NAA11: variants seen among roughly 807,000 people sequenced by gnomAD.
NAA11 encodes N-alpha-acetyltransferase 11.
NAA11 carries 15 observed loss-of-function variants against 16.1 expected under a neutral mutation model. The observed-to-expected ratio is 0.93, with a 90% CI of 0.62 to 1.44. NAA11 has a LOEUF of 1.44. NAA11 is among the 40% of genes most tolerant of loss of function. NAA11 has a pLI of 0.00. For synonymous variants in NAA11, 122 were observed against 112.4 expected (o/e 1.09, Z -0.54); for missense variants, 298 against 291.3 (o/e 1.02, Z -0.17).
chr4:79,254,643 TTC>T (rs1722064270), intron 2 of NAA11, among the ~76,000 whole-genome samples: 1 of 142,356 alleles, frequency 7.0e-6, no homozygotes, highest in African/African-American at 2.9e-5. Flanking sequence ...ATTTGTCCTT[TTC>T]TTTTTTTTTT....
At chr4:79,204,584 A>G in the NAA11 span, among the ~76,000 whole-genome samples, 2 of 148,074 alleles carry the variant, frequency 1.4e-5, no homozygotes, top group Non-Finnish European at 3.0e-5. Context: ...TTTTATTTCA[A>G]TAAATTTAGG....
the NAA11 span, among the ~76,000 whole-genome samples, chr4:79,163,430 A>T: frequency 2.6e-5 from 4 of 152,172 alleles, no homozygotes; most frequent in Non-Finnish European, 5.9e-5. Flanking sequence ...AAAAAATAAA[A>T]AAATAAATAA....
At chr4:79,253,548 A>C (rs1178250215) in intron 2 of NAA11, among the ~76,000 whole-genome samples, 1 of 152,144 alleles carries the variant, frequency 6.6e-6, no homozygotes, top group East Asian at 1.9e-4. Flanking sequence ...GAAGTGAAAG[A>C]AGTGATGAGA....
the NAA11 span, among the ~76,000 whole-genome samples, chr4:79,196,104 G>C: frequency 6.6e-6 from 1 of 151,904 alleles, no homozygotes; most frequent in African/African-American, 2.4e-5. Flanking sequence ...TACACTTCCA[G>C]TCTCTACTCC....
At chr4:79,318,126 CTG>C (rs1723980847) in intron 1 of NAA11, among the ~76,000 whole-genome samples, 1 of 152,182 alleles carries the variant, frequency 6.6e-6, no homozygotes, top group African/African-American at 2.4e-5. Context: ...ACTAAAGAAA[CTG>C]AGATCATTTT....
chr4:79,284,142 G>A (rs1294911619), intron 2 of NAA11, among the ~76,000 whole-genome samples: 2 of 152,046 alleles, frequency 1.3e-5, no homozygotes, highest in African/African-American at 2.4e-5. Context: ...CAGCCCTAAG[G>A]CAGCAAACTC....
At chr4:79,238,556 T>A (rs1196175768) in intron 2 of NAA11, among the ~76,000 whole-genome samples, 3 of 152,184 alleles carry the variant, frequency 2.0e-5, no homozygotes, top group African/African-American at 7.2e-5. Context: ...TAGCCCAGAT[T>A]ACCTAGAACA....
At chr4:79,266,637 C>T (rs2109977356) in intron 2 of NAA11, among the ~76,000 whole-genome samples, 1 of 152,272 alleles carries the variant, frequency 6.6e-6, no homozygotes, top group South Asian at 2.1e-4. Flanking sequence ...ACAGAAGAAT[C>T]CTTTTGCACA....
At chr4:79,322,505 G>GTACA (rs1724127096) in intron 1 of NAA11, among the ~76,000 whole-genome samples, 3 of 150,074 alleles carry the variant, frequency 2.0e-5, no homozygotes, top group African/African-American at 7.3e-5. Flanking sequence ...GTGTGTGTGT[G>GTACA]TATATATATA....
At chr4:79,204,226 G>T in the NAA11 span, among the ~76,000 whole-genome samples, 1 of 151,814 alleles carries the variant, frequency 6.6e-6, no homozygotes, top group African/African-American at 2.4e-5. Context: ...TCATGACAAT[G>T]TTGTTTACAC....
chr4:79,291,264 C>A (rs1390021943), intron 2 of NAA11, among the ~76,000 whole-genome samples: 1 of 151,486 alleles, frequency 6.6e-6, no homozygotes, highest in Non-Finnish European at 1.5e-5. Flanking sequence ...GAGTTGGGGA[C>A]CAGCCTGGGC....
chr4:79,289,875 G>C (rs1723040368), intron 2 of NAA11, among the ~76,000 whole-genome samples: 1 of 152,150 alleles, frequency 6.6e-6, no homozygotes. Context: ...ATAATAAACA[G>C]TAGGTCTCTC....
chr4:79,314,641 T>TAAAAAAAAAAAAAAAAA (rs375245497), downstream of NAA11, among the ~76,000 whole-genome samples: 259 of 98,050 alleles, frequency 2.6e-3, 12 homozygotes, highest in African/African-American at 5.7e-3. Context: ...TCCTTAAAAT[T>TAAAAAAAAAAAAAAAAA]AAAAAAAAAA....
the NAA11 span, among the ~76,000 whole-genome samples, chr4:79,190,034 C>T: frequency 6.6e-6 from 1 of 152,102 alleles, no homozygotes; most frequent in Non-Finnish European, 1.5e-5. Context: ...AAACAAAAAA[C>T]CACCCACACA....
chr4:79,272,213 T>C (rs868378532), intron 2 of NAA11, among the ~76,000 whole-genome samples: 1 of 152,018 alleles, frequency 6.6e-6, no homozygotes, highest in Non-Finnish European at 1.5e-5. Context: ...AATAACTTCT[T>C]TAGGTTTTAA....
chr4:79,261,777 T>C (rs1224916627), intron 2 of NAA11, among the ~76,000 whole-genome samples: 3 of 152,198 alleles, frequency 2.0e-5, no homozygotes, highest in Non-Finnish European at 4.4e-5. Context: ...GGAATTTTCC[T>C]TTAAACAATG....
At chr4:79,161,356 T>A in the NAA11 span, among the ~76,000 whole-genome samples, 2 of 152,200 alleles carry the variant, frequency 1.3e-5, no homozygotes, top group African/African-American at 2.4e-5. Flanking sequence ...TATTTCTGGA[T>A]CTAAATTCTA....
the NAA11 span, among the ~76,000 whole-genome samples, chr4:79,209,635 A>AT: frequency 2.7e-3 from 412 of 151,734 alleles, no homozygotes; most frequent in African/African-American, 8.1e-3. Flanking sequence ...GAAAAAAAGG[A>AT]TTTTTTTTTA....
At chr4:79,164,788 C>T in the NAA11 span, among the ~76,000 whole-genome samples, 104,560 of 152,102 alleles carry the variant, frequency 0.69, 39,641 homozygotes, top group East Asian at 1. Context: ...AATGTATCTA[C>T]CTTTAAGGGA....
Sources: allele counts gnomAD v4.1 joint callset (sites outside exome capture counted in the v4.1 genomes callset), GRCh38; gene constraint gnomAD v4.1.1; transcripts MANE v1.5; gene names NCBI Gene and HGNC (gene_info 2026-07-23, HGNC 2026-07-21).